PRPF18: variants seen among roughly 807,000 people sequenced by gnomAD.
PRPF18 encodes pre-mRNA-splicing factor 18.
A neutral mutation model predicts 46.5 loss-of-function variants in PRPF18; 38 were observed. The observed-to-expected ratio is 0.82, with a 90% CI of 0.63 to 1.07. The LOEUF is 1.07. PRPF18 is among the 50% of genes least tolerant of loss of function. The probability of loss-of-function intolerance (pLI) is 0.00; values close to 1 mark genes in which losing one functional copy is unlikely to be tolerated. For synonymous variants in PRPF18, 152 were observed against 146.7 expected, an observed-to-expected ratio of 1.04 and a Z score of -0.26; for missense variants, 263 against 410.0, an observed-to-expected ratio of 0.64 and a Z score of 3.10.
chr10:13,642,513 A>C, the PRPF18 span: 2 of 151,730 alleles, frequency 1.3e-5, no homozygotes, highest in African/African-American at 2.4e-5. Context: ...CTAATAATTA[A>C]ATGTTCGGAA....
At chr10:13,641,466 G>A in the PRPF18 span, 2 of 152,220 alleles carry the variant, frequency 1.3e-5, no homozygotes, top group Admixed American at 1.3e-4. Flanking sequence ...ATAAATATCA[G>A]TCTCATCAGC....
chr10:13,600,601 T>C (rs1256201769), intron 3 of PRPF18, among the ~76,000 whole-genome samples: 1 of 152,228 alleles, frequency 6.6e-6, no homozygotes, highest in African/African-American at 2.4e-5. Flanking sequence ...AAAATAAGTA[T>C]AATTAAATGC....
chr10:13,628,820 C>A (rs761013972), intron 9 of PRPF18, among the ~76,000 whole-genome samples: 4 of 152,170 alleles, frequency 2.6e-5, no homozygotes, highest in Admixed American at 6.5e-5. Flanking sequence ...TAATGAATTG[C>A]ACAGTGAATA....
At chr10:13,616,253 T>G in intron 8 of PRPF18, 145 bp from the exon 9 acceptor site, 1 of 790,204 alleles carries the variant, frequency 1.3e-6, no homozygotes, top group Admixed American at 2.9e-5. Context: ...CTGTTTTGTT[T>G]GAATAACAGT....
chr10:13,627,573 T>C (rs534560039), intron 9 of PRPF18, among the ~76,000 whole-genome samples: 1 of 152,330 alleles, frequency 6.6e-6, no homozygotes, highest in African/African-American at 2.4e-5. Flanking sequence ...AATAACGATA[T>C]TCTGTCCTGA....
chr10:13,590,601 A>T (rs1159854246), intron 1 of PRPF18, among the ~76,000 whole-genome samples: 1 of 148,548 alleles, frequency 6.7e-6, no homozygotes, highest in African/African-American at 2.5e-5. Context: ...AGCCTGGGCG[A>T]CAGAGCGAGA....
the PRPF18 span, chr10:13,655,603 C>G: frequency 6.6e-6 from 1 of 150,748 alleles, no homozygotes; most frequent in African/African-American, 2.5e-5. Context: ...GCTAGGGCAT[C>G]CAGGTTCTTC....
the PRPF18 span, chr10:13,649,255 A>G: frequency 6.6e-6 from 1 of 152,252 alleles, no homozygotes; most frequent in Admixed American, 6.5e-5. Flanking sequence ...TAAAGGCTCA[A>G]GAAAGACCAT....
At chr10:13,606,024 C>T (rs918465783) in intron 4 of PRPF18, among the ~76,000 whole-genome samples, 6 of 152,020 alleles carry the variant, frequency 3.9e-5, no homozygotes, top group African/African-American at 1.2e-4. Context: ...GGAAGAATAG[C>T]GAATGGATGC....
chr10:13,597,321 A>G, intron 1 of PRPF18, 137 bp from the exon 2 acceptor site: 1 of 625,822 alleles, frequency 1.6e-6, no homozygotes, highest in South Asian at 2.3e-5. Context: ...CATCTCTGGA[A>G]CCAAAAAATA....
At chr10:13,613,705 G>A (rs372010885) in intron 6 of PRPF18, 36 bp from the exon 7 acceptor site, 212 of 1,598,016 alleles carry the variant, frequency 1.3e-4, no homozygotes, top group Non-Finnish European at 1.8e-4. Flanking sequence ...ACCACTGGGT[G>A]GCATTGTAGT....
Position 13,616,308 on chromosome 10 carries a change from A to G in PRPF18, c.793-90A>G, listed in dbSNP as rs987681346. The G allele has an allele frequency of 4.5e-6, 6 of 1,343,606 alleles. No homozygotes were observed. The African/African-American group carries it at 5.9e-5, about 13-fold the overall frequency. The allele number at this position is 1,343,606 out of a possible 1,614,324, so 83.2% of individuals were successfully genotyped here. On this transcript the variant is annotated intron_variant, in intron 8 of 9. Coordinates refer to ENST00000378572, the MANE Select transcript of PRPF18 (RefSeq NM_003675.4). ...TGCCCAAAAGGTGGACGAAAATTAC[A>G]TCATAAAGGGCTGTGAAATACTTTC...
At chr10:13,647,822 A>G in the PRPF18 span, 23 of 151,464 alleles carry the variant, frequency 1.5e-4, no homozygotes, top group Admixed American at 8.6e-4. Context: ...AATCATAGAT[A>G]TGTGGAAGCC....
At chr10:13,635,500 A>C (rs1317504953), downstream of PRPF18, among the ~76,000 whole-genome samples, 4 of 152,218 alleles carry the variant, frequency 2.6e-5, no homozygotes, top group Non-Finnish European at 4.4e-5. Flanking sequence ...GAACTAATTT[A>C]CACTCCCACC....
At chr10:13,617,909 T>G (rs888511940) in intron 9 of PRPF18, among the ~76,000 whole-genome samples, 18 of 152,236 alleles carry the variant, frequency 1.2e-4, no homozygotes, top group African/African-American at 4.3e-4. Flanking sequence ...ATTTGAAATT[T>G]AGCTAGGTGT....
At chr10:13,621,767 C>A (rs1418884352) in intron 9 of PRPF18, among the ~76,000 whole-genome samples, 1 of 152,118 alleles carries the variant, frequency 6.6e-6, no homozygotes, top group African/African-American at 2.4e-5. Context: ...TTTGCTATTA[C>A]AAAAGGTAAA....
At chr10:13,630,111 A>G (rs1474762428) in intron 9 of PRPF18, 149 bp from the exon 10 acceptor site, 1 of 613,030 alleles carries the variant, frequency 1.6e-6, no homozygotes, top group Non-Finnish European at 2.9e-6. Context: ...TGCACAAGAA[A>G]AATTTCTCTA....
In PRPF18 at chr10:13,616,555, T is replaced by G. The variant is rs1380223232; in HGVS notation, c.948+2T>G. 6.2e-7 allele frequency: 1 copy of G among 1,613,910 alleles called. No individual in the cohort carries two copies. ...GAAACTCAGCGGAAATATATTCAGG[T>G]AAGCAGTTTGGAGAGCCGGGAATTG... On this transcript the variant is annotated splice_donor_variant, in intron 9 of 9. Coordinates refer to ENST00000378572, the MANE Select transcript of PRPF18 (RefSeq NM_003675.4). LOFTEE classifies it high-confidence loss of function.
At chr10:13,652,934 A>G in the PRPF18 span, 1 of 152,032 alleles carries the variant, frequency 6.6e-6, no homozygotes, top group African/African-American at 2.4e-5. Context: ...CTACCGGTAT[A>G]GTGGGGAAAG....
Sources: gnomAD v4.1 joint callset for allele counts (sites outside exome capture counted in the v4.1 genomes callset) on GRCh38, gnomAD v4.1.1 for gene constraint, MANE v1.5 for transcripts, NCBI Gene and HGNC (gene_info 2026-07-23, HGNC 2026-07-21) for gene names.